PTPRM: variants seen among roughly 807,000 people sequenced by gnomAD.
PTPRM encodes protein tyrosine phosphatase receptor type M.
A neutral mutation model predicts 186.7 loss-of-function variants in PTPRM; 47 were observed. The ratio of observed to expected loss-of-function variants is 0.25; its 90% CI spans 0.20 to 0.32. PTPRM has a LOEUF of 0.32. PTPRM is among the 10% of genes least tolerant of loss of function. The probability of loss-of-function intolerance (pLI) is 1.00; values close to 1 mark genes in which losing one functional copy is unlikely to be tolerated. For synonymous variants in PTPRM, 668 were observed against 674.9 expected (o/e 0.99, Z 0.16); for missense variants, 1,494 against 1,865.0 (o/e 0.80, Z 3.66).
rs1027498090 is a variant in PTPRM, at chr18:8,304,500, A to G, written c.2842+8045A>G. 1.3e-4 allele frequency among the ~76,000 whole-genome samples: 20 copies of G among 152,204 alleles called. No homozygotes were observed. The South Asian group carries it at 3.9e-3, about 30-fold the overall frequency. On this transcript the variant is annotated intron_variant, in intron 20 of 32. Transcript: ENST00000580170. ...TTTCATCTAGTAAAGGCTTTTTTTGAGAGATATGAGACAAATAGCAAGTCG... is the reference window on the plus strand; with the variant it reads ...TTTCATCTAGTAAAGGCTTTTTTTGGGAGATATGAGACAAATAGCAAGTCG...
intron 1 of PTPRM, among the ~76,000 whole-genome samples, chr18:7,614,715 G>A (rs1476767567): frequency 6.6e-6 from 1 of 152,154 alleles, no homozygotes; most frequent in African/African-American, 2.4e-5. Context: ...TTAAGAAATT[G>A]TCAGCTGCTG....
chr18:7,906,406 G>T (rs1467677693), intron 3 of PTPRM, 99 bp from the exon 4 acceptor site: 1 of 866,036 alleles, frequency 1.2e-6, no homozygotes, highest in Non-Finnish European at 1.9e-6. Context: ...GAATGAATTG[G>T]TGAAAGAATA....
chr18:8,142,151 C>T (rs2146102171), intron 13 of PTPRM, among the ~76,000 whole-genome samples: 1 of 152,240 alleles, frequency 6.6e-6, no homozygotes, highest in South Asian at 2.1e-4. Flanking sequence ...ATCAAAATAG[C>T]AGGACTTATT....
intron 4 of PTPRM, among the ~76,000 whole-genome samples, chr18:7,925,339 C>T (rs914011485): frequency 6.6e-6 from 1 of 152,156 alleles, no homozygotes; most frequent in African/African-American, 2.4e-5. Context: ...GCATGCTGAG[C>T]ATCATGAATA....
chr18:7,574,915 C>T (rs1253741753), intron 1 of PTPRM, among the ~76,000 whole-genome samples: 1 of 151,988 alleles, frequency 6.6e-6, no homozygotes, highest in Admixed American at 6.6e-5. Flanking sequence ...GCCTGTAGTC[C>T]CAGCTACTCC....
chr18:7,738,733 G>T (rs938904149), intron 1 of PTPRM, among the ~76,000 whole-genome samples: 1 of 152,150 alleles, frequency 6.6e-6, no homozygotes, highest in Non-Finnish European at 1.5e-5. Context: ...GAGCCACTGC[G>T]CCCGGCCAGT....
intron 11 of PTPRM, among the ~76,000 whole-genome samples, chr18:8,100,331 G>A (rs2091236648): frequency 6.6e-6 from 1 of 152,074 alleles, no homozygotes; most frequent in Non-Finnish European, 1.5e-5. Flanking sequence ...AGTAGAGACG[G>A]GGTTTTGCTA....
chr18:8,017,582 C>CAAA (rs71354586), intron 7 of PTPRM, among the ~76,000 whole-genome samples: 8,763 of 63,984 alleles, frequency 0.14, 1,039 homozygotes, highest in Middle Eastern at 0.31. Context: ...GACTCCTTCT[C>CAAA]AAAAAAAAAA....
At chr18:8,156,110 G>A (rs1345000946) in intron 14 of PTPRM, among the ~76,000 whole-genome samples, 3 of 152,148 alleles carry the variant, frequency 2.0e-5, no homozygotes, top group Admixed American at 6.5e-5. Context: ...CCAGATAATT[G>A]AATAGGGTTG....
intron 24 of PTPRM, among the ~76,000 whole-genome samples, chr18:8,372,593 C>T (rs1160161808): frequency 6.6e-6 from 1 of 151,398 alleles, no homozygotes; most frequent in African/African-American, 2.4e-5. Flanking sequence ...TTTTTCTTAG[C>T]CTGTCTTTTT....
chr18:8,325,061 T>A (rs577040586), intron 22 of PTPRM, among the ~76,000 whole-genome samples: 1 of 152,316 alleles, frequency 6.6e-6, no homozygotes, highest in Admixed American at 6.5e-5. Context: ...CCAACCCTGG[T>A]TCCTCCATTG....
intron 1 of PTPRM, among the ~76,000 whole-genome samples, chr18:7,687,276 T>TG (rs1232446303): frequency 3.3e-5 from 5 of 152,176 alleles, no homozygotes; most frequent in Non-Finnish European, 5.9e-5. Flanking sequence ...GATTTTGTTG[T>TG]GAATGAGATA....
chr18:8,330,271 T>C (rs1227083781), intron 22 of PTPRM, among the ~76,000 whole-genome samples: 2 of 152,178 alleles, frequency 1.3e-5, no homozygotes, highest in Non-Finnish European at 2.9e-5. Flanking sequence ...GCAAACAGTT[T>C]AGGAAGTTTC....
chr18:8,183,903 G>A (rs914959153), intron 14 of PTPRM, among the ~76,000 whole-genome samples: 21 of 152,192 alleles, frequency 1.4e-4, no homozygotes, highest in African/African-American at 4.8e-4. Flanking sequence ...CTGACATGGG[G>A]CACAGGTGGC....
At chr18:7,763,033 C>T (rs968393255) in intron 1 of PTPRM, among the ~76,000 whole-genome samples, 4 of 152,142 alleles carry the variant, frequency 2.6e-5, no homozygotes, top group Admixed American at 2.0e-4. Flanking sequence ...CAGGGACTTG[C>T]TCATGTTCAA....
At chr18:7,795,819 T>TC (rs1159808557) in intron 2 of PTPRM, among the ~76,000 whole-genome samples, 2 of 149,326 alleles carry the variant, frequency 1.3e-5, no homozygotes, top group East Asian at 3.9e-4. Flanking sequence ...TCTTTTTTTT[T>TC]TTTTTTTTTT....
At chr18:8,057,557 A>G (rs1293963576) in intron 7 of PTPRM, among the ~76,000 whole-genome samples, 1 of 133,670 alleles carries the variant, frequency 7.5e-6, no homozygotes, top group East Asian at 2.3e-4. Flanking sequence ...CACCCACTAA[A>G]TCGTCATCTA....
In PTPRM at chr18:8,182,500, C is replaced by G. The variant is rs78124911; in HGVS notation, c.2300+38721C>G. On this transcript the variant is annotated intron_variant, in intron 14 of 32. Transcript: ENST00000580170. ...TGAATGTCACACTAGTGATAGTACC[C>G]TTTTCTCTTGCACTTATTTGTTGCT... 3.6e-3 allele frequency among the ~76,000 whole-genome samples: 548 copies of G among 152,312 alleles called. 2 individuals carry two copies. Among genetic ancestry groups the G allele is most frequent in the African/African-American group, 0.012 (498 of 41,566 alleles).
chr18:7,887,959 T>C (rs2048869766), intron 2 of PTPRM, 147 bp from the exon 3 acceptor site: 1 of 905,024 alleles, frequency 1.1e-6, no homozygotes, highest in African/African-American at 1.6e-5. Flanking sequence ...GGTGGTGATA[T>C]ATGAAATAGG....
Sources: gnomAD v4.1 joint callset for allele counts (sites outside exome capture counted in the v4.1 genomes callset) on GRCh38, gnomAD v4.1.1 for gene constraint, MANE v1.5 for transcripts, NCBI Gene and HGNC (gene_info 2026-07-23, HGNC 2026-07-21) for gene names.